Variants in DLG2 observed in about 807,000 individuals in gnomAD.
DLG2 encodes disks large homolog 2.
DLG2 carries 45 observed loss-of-function variants against 132.5 expected under a neutral mutation model. The observed-to-expected ratio is 0.34, with a 90% CI of 0.27 to 0.44. The LOEUF (loss-of-function observed/expected upper bound fraction) is 0.44, where lower values mean the gene tolerates loss of function less well. Ranked by LOEUF, DLG2 falls within the 20% of genes least tolerant of loss-of-function variation. The probability of loss-of-function intolerance (pLI) is 1.00; values close to 1 mark genes in which losing one functional copy is unlikely to be tolerated. For missense variants in DLG2, 1,045 were observed against 1,196.9 expected, an observed-to-expected ratio of 0.87 and a Z score of 1.87; for synonymous variants, 424 against 419.6, an observed-to-expected ratio of 1.01 and a Z score of -0.13.
At chr11:85,325,364 G>A (rs2081388671) in intron 3 of DLG2, among the ~76,000 whole-genome samples, 1 of 151,192 alleles carries the variant, frequency 6.6e-6, no homozygotes, top group Non-Finnish European at 1.5e-5. Flanking sequence ...GCAGACTTAA[G>A]TGTCCCTGTC....
intron 10 of DLG2, among the ~76,000 whole-genome samples, chr11:84,066,103 A>C (rs2096667004): frequency 6.6e-6 from 1 of 152,106 alleles, no homozygotes; most frequent in African/African-American, 2.4e-5. Context: ...GCACTGAAAA[A>C]CTAGCTATCA....
intron 3 of DLG2, among the ~76,000 whole-genome samples, chr11:85,423,780 C>A (rs991356516): frequency 1.3e-5 from 2 of 152,138 alleles, no homozygotes; most frequent in African/African-American, 4.8e-5. Context: ...ACCCACCATG[C>A]CCCCACCAAC....
At chr11:83,813,417 A>C (rs34222871) in intron 17 of DLG2, among the ~76,000 whole-genome samples, 4 of 152,272 alleles carry the variant, frequency 2.6e-5, no homozygotes, top group South Asian at 2.1e-4. Context: ...CATCCTTTGC[A>C]GGAATGCTTT....
chr11:85,096,150 A>G (rs2069711317), intron 6 of DLG2, among the ~76,000 whole-genome samples: 1 of 152,198 alleles, frequency 6.6e-6, no homozygotes, highest in African/African-American at 2.4e-5. Flanking sequence ...AGTGCTCTGT[A>G]AAGTGGACCA....
chr11:84,227,726 C>A (rs1037644433), intron 8 of DLG2, among the ~76,000 whole-genome samples: 4 of 151,844 alleles, frequency 2.6e-5, no homozygotes, highest in South Asian at 2.1e-4. Flanking sequence ...CCACCCTGGC[C>A]GACATAATGA....
intron 6 of DLG2, among the ~76,000 whole-genome samples, chr11:85,089,540 C>T (rs1016313709): frequency 7.2e-5 from 11 of 152,082 alleles, no homozygotes; most frequent in African/African-American, 2.4e-4. Context: ...TTGATGGACA[C>T]CTAGGTGGAT....
chr11:84,565,371 T>C (rs2099449010), intron 6 of DLG2, among the ~76,000 whole-genome samples: 1 of 152,186 alleles, frequency 6.6e-6, no homozygotes. Flanking sequence ...AAAGATTACT[T>C]AATTTTACTG....
At chr11:83,592,334 C>A (rs1172356087) in intron 19 of DLG2, among the ~76,000 whole-genome samples, 2 of 146,146 alleles carry the variant, frequency 1.4e-5, no homozygotes, top group Non-Finnish European at 3.0e-5. Flanking sequence ...TGAGAAATAA[C>A]ACCGCATATC....
At chr11:84,089,217 T>C (rs1042260322) in intron 10 of DLG2, among the ~76,000 whole-genome samples, 3 of 152,218 alleles carry the variant, frequency 2.0e-5, no homozygotes, top group African/African-American at 7.2e-5. Context: ...TGGGAATAAG[T>C]GTCAGACTGT....
chr11:84,447,640 T>G (rs1602296085), intron 7 of DLG2, among the ~76,000 whole-genome samples: 1 of 152,192 alleles, frequency 6.6e-6, no homozygotes, highest in African/African-American at 2.4e-5. Context: ...TGAGTAGTTT[T>G]TTCTTTCTTT....
intron 7 of DLG2, among the ~76,000 whole-genome samples, chr11:84,294,246 G>C (rs1016015725): frequency 6.6e-6 from 1 of 152,160 alleles, no homozygotes; most frequent in South Asian, 2.1e-4. Context: ...AAGTTATTAA[G>C]TAATATCTTA....
At chr11:83,872,774 G>A (rs898422847) in intron 16 of DLG2, among the ~76,000 whole-genome samples, 2 of 152,204 alleles carry the variant, frequency 1.3e-5, no homozygotes, top group Non-Finnish European at 2.9e-5. Flanking sequence ...AGTCTACTTT[G>A]TGCTGATGGC....
At chr11:83,607,907 G>C (rs2059577077) in intron 19 of DLG2, among the ~76,000 whole-genome samples, 1 of 152,218 alleles carries the variant, frequency 6.6e-6, no homozygotes, top group Admixed American at 6.5e-5. Context: ...TGGAGTTTAA[G>C]AATAGGCCAG....
chr11:83,783,269 A>G (rs2094910534), intron 18 of DLG2, among the ~76,000 whole-genome samples: 1 of 152,216 alleles, frequency 6.6e-6, no homozygotes, highest in Admixed American at 6.5e-5. Flanking sequence ...ACAACTGGAG[A>G]CAAGCTCATT....
chr11:83,945,787 T>G (rs790346), intron 14 of DLG2, among the ~76,000 whole-genome samples: 57,992 of 148,826 alleles, frequency 0.39, 13,000 homozygotes, highest in African/African-American at 0.61. Flanking sequence ...TGAAAATTTA[T>G]CCTATGAGAG....
intron 24 of DLG2, among the ~76,000 whole-genome samples, chr11:83,469,764 G>A (rs145544724): frequency 1.3e-5 from 2 of 152,200 alleles, no homozygotes; most frequent in African/African-American, 2.4e-5. Flanking sequence ...ATTTTAAAAG[G>A]TTACTCTAGA....
At chr11:84,715,701 C>A (rs183626543) in intron 6 of DLG2, among the ~76,000 whole-genome samples, 1 of 151,998 alleles carries the variant, frequency 6.6e-6, no homozygotes, top group Non-Finnish European at 1.5e-5. Flanking sequence ...GTAAGGTTAT[C>A]CTTCTTTTCA....
chr11:85,365,140 A>G (rs2084441704), intron 3 of DLG2, among the ~76,000 whole-genome samples: 1 of 152,192 alleles, frequency 6.6e-6, no homozygotes, highest in Non-Finnish European at 1.5e-5. Flanking sequence ...CTAACTTAAA[A>G]AAAATCATTA....
chr11:84,186,256 T>C (rs1378998634), intron 8 of DLG2, among the ~76,000 whole-genome samples: 1 of 152,124 alleles, frequency 6.6e-6, no homozygotes, highest in African/African-American at 2.4e-5. Context: ...AAATAATTTT[T>C]CTACCCATTT....
Sources: allele counts gnomAD v4.1 joint callset (sites outside exome capture counted in the v4.1 genomes callset), GRCh38; gene constraint gnomAD v4.1.1; transcripts MANE v1.5; gene names NCBI Gene and HGNC (gene_info 2026-07-23, HGNC 2026-07-21).